ADGRG6: variants seen among roughly 807,000 people sequenced by gnomAD.
ADGRG6 encodes adhesion G protein-coupled receptor G6.
Under a neutral mutation model 142.4 loss-of-function variants are expected in ADGRG6, and 84 were observed. That is an observed-to-expected ratio of 0.59 (90% CI 0.49 to 0.71). The LOEUF is 0.71. ADGRG6 is among the 30% of genes least tolerant of loss of function. The pLI is 0.00. For synonymous variants in ADGRG6, 521 were observed against 520.5 expected (o/e 1.00, Z -0.01); for missense variants, 1,367 against 1,466.6 (o/e 0.93, Z 1.11).
chr6:142,352,511 G>T (rs1370780516), intron 2 of ADGRG6, among the ~76,000 whole-genome samples: 1 of 151,978 alleles, frequency 6.6e-6, no homozygotes, highest in Admixed American at 6.6e-5. Context: ...CTGCCTCTTG[G>T]GTACTATGCT....
intron 2 of ADGRG6, among the ~76,000 whole-genome samples, chr6:142,338,026 T>TTTTTTTTTTTTTTG (rs1779420043): frequency 2.8e-4 from 12 of 43,266 alleles, no homozygotes; most frequent in Non-Finnish European, 3.3e-4. Flanking sequence ...TGTTTTTTTT[T>TTTTTTTTTTTTTTG]TTTTTTTTTT....
intron 6 of ADGRG6, among the ~76,000 whole-genome samples, chr6:142,387,008 T>G (rs917101372): frequency 1.3e-5 from 2 of 152,196 alleles, no homozygotes; most frequent in African/African-American, 4.8e-5. Flanking sequence ...TGGCCAGGCA[T>G]TGAGTCGTCT....
At chr6:142,407,482 T>C (rs1200790424) in intron 15 of ADGRG6, among the ~76,000 whole-genome samples, 1 of 152,150 alleles carries the variant, frequency 6.6e-6, no homozygotes, top group African/African-American at 2.4e-5. Context: ...TCAGGAGATT[T>C]GACAAGAAAT....
At chr6:142,393,051 GCTA>G in intron 8 of ADGRG6, 51 bp downstream of exon 8, 3 of 964,980 alleles carry the variant, frequency 3.1e-6, no homozygotes, top group Admixed American at 1.8e-5. Flanking sequence ...CTAATTTAAT[GCTA>G]CTATTTGTCT....
chr6:142,346,059 G>C (rs1779884346), intron 2 of ADGRG6, among the ~76,000 whole-genome samples: 1 of 152,084 alleles, frequency 6.6e-6, no homozygotes, highest in Non-Finnish European at 1.5e-5. Context: ...TGTGTCTTTA[G>C]GGATGGGTTA....
Position 142,408,149 on chromosome 6 carries a change from G to T in ADGRG6, c.2269-1G>T. On this transcript the variant is annotated splice_acceptor_variant, in intron 15 of 24. Coordinates refer to ENST00000367609, the MANE Select transcript of ADGRG6 (RefSeq NM_198569.3). LOFTEE classifies it high-confidence loss of function. ...ACACGCGATTTTTTTTTCTTTAAAAGGATGTAGGACCCCAAAGAAAAACTT... is the reference window on the plus strand; with the variant it reads ...ACACGCGATTTTTTTTTCTTTAAAATGATGTAGGACCCCAAAGAAAAACTT... 3 of 1,560,102 alleles carry T rather than the reference G, an allele frequency of 1.9e-6. No individual in the cohort carries two copies. Among genetic ancestry groups the T allele is most frequent in the Middle Eastern group, 1.7e-4 (1 of 5,882 alleles).
intron 4 of ADGRG6, 153 bp downstream of exon 4, chr6:142,370,946 T>A: frequency 1.3e-6 from 1 of 796,260 alleles, no homozygotes; most frequent in Non-Finnish European, 2.0e-6. Flanking sequence ...AAAAGCTCTT[T>A]TAATTTTTAA....
intron 2 of ADGRG6, among the ~76,000 whole-genome samples, chr6:142,310,242 T>G (rs532738106): frequency 3.9e-5 from 6 of 151,960 alleles, no homozygotes; most frequent in African/African-American, 1.4e-4. Context: ...AAAAACTAAA[T>G]TTTCTGTAAA....
intron 2 of ADGRG6, among the ~76,000 whole-genome samples, chr6:142,354,699 A>G (rs1780358979): frequency 6.6e-6 from 1 of 152,256 alleles, no homozygotes; most frequent in Non-Finnish European, 1.5e-5. Flanking sequence ...TATTACAGAA[A>G]AAATGTTTTT....
At chr6:142,345,864 A>C (rs1779874217) in intron 2 of ADGRG6, among the ~76,000 whole-genome samples, 1 of 152,186 alleles carries the variant, frequency 6.6e-6, no homozygotes, top group South Asian at 2.1e-4. Context: ...CTAGTAATCC[A>C]TTAAATTAGT....
chr6:142,440,887 A>G, intron 24 of ADGRG6: 3 of 1,253,836 alleles, frequency 2.4e-6, no homozygotes, highest in South Asian at 1.4e-5. Flanking sequence ...TGATCTAGAT[A>G]TTCATATGTT....
intron 2 of ADGRG6, among the ~76,000 whole-genome samples, chr6:142,331,384 T>C (rs1333513696): frequency 6.6e-6 from 1 of 152,094 alleles, no homozygotes; most frequent in African/African-American, 2.4e-5. Context: ...GCCCATGGGC[T>C]TTGTGTGAGG....
chr6:142,371,629 G>A (rs1487579195), intron 4 of ADGRG6, among the ~76,000 whole-genome samples: 2 of 151,796 alleles, frequency 1.3e-5, no homozygotes, highest in Admixed American at 1.3e-4. Context: ...GGGACTACAG[G>A]TGCCCACCAC....
At chr6:142,436,239 G>A (rs1302808268) in intron 22 of ADGRG6, among the ~76,000 whole-genome samples, 1 of 152,162 alleles carries the variant, frequency 6.6e-6, no homozygotes. Context: ...CCGGGACCAA[G>A]TCATGGACAT....
At chr6:142,338,489 T>C (rs1265338045) in intron 2 of ADGRG6, among the ~76,000 whole-genome samples, 2 of 150,542 alleles carry the variant, frequency 1.3e-5, no homozygotes, top group Admixed American at 6.6e-5. Flanking sequence ...ATTGTATATT[T>C]AATTATATTT....
At chr6:142,316,487 A>G (rs906274091) in intron 2 of ADGRG6, among the ~76,000 whole-genome samples, 1 of 152,198 alleles carries the variant, frequency 6.6e-6, no homozygotes, top group African/African-American at 2.4e-5. Context: ...AAACTTGATT[A>G]AAGAGAATTA....
intron 4 of ADGRG6, among the ~76,000 whole-genome samples, chr6:142,374,696 C>G (rs1204149837): frequency 6.6e-6 from 1 of 152,200 alleles, no homozygotes; most frequent in African/African-American, 2.4e-5. Context: ...GTGGCAGAGG[C>G]AGTTGGTGGG....
At chr6:142,356,548 A>G (rs1780454351) in intron 2 of ADGRG6, among the ~76,000 whole-genome samples, 1 of 152,218 alleles carries the variant, frequency 6.6e-6, no homozygotes, top group Non-Finnish European at 1.5e-5. Context: ...TGAACTATAC[A>G]GGGCACTCCT....
chr6:142,411,231 T>C (rs1776063367), intron 17 of ADGRG6, 74 bp from the exon 18 acceptor site: 1 of 810,612 alleles, frequency 1.2e-6, no homozygotes, highest in Admixed American at 1.7e-5. Context: ...CAAATTTCTC[T>C]ATAGAAGGTC....
Sources: gnomAD v4.1 joint callset for allele counts (sites outside exome capture counted in the v4.1 genomes callset) on GRCh38, gnomAD v4.1.1 for gene constraint, MANE v1.5 for transcripts, NCBI Gene and HGNC (gene_info 2026-07-23, HGNC 2026-07-21) for gene names.